The following CDH1 variants were observed in gnomAD, a reference collection of about 807,000 sequenced individuals.
CDH1 encodes cadherin-1.
In CDH1, 35 loss-of-function variants were observed where a neutral mutation model predicts 84.5. That is an observed-to-expected ratio of 0.41 (90% CI 0.32 to 0.55). The LOEUF (loss-of-function observed/expected upper bound fraction) is 0.55, where lower values mean the gene tolerates loss of function less well. Among genes scored for constraint, CDH1 ranks in the 20% least tolerant of loss-of-function variants. The pLI is 0.19. For missense variants in CDH1, 994 were observed against 1,126.6 expected, an observed-to-expected ratio of 0.88 and a Z score of 1.68; for synonymous variants, 417 against 439.0, an observed-to-expected ratio of 0.95 and a Z score of 0.63.
chr16:68,770,630 C>G (rs1239773262), intron 2 of CDH1, among the ~76,000 whole-genome samples: 1 of 151,660 alleles, frequency 6.6e-6, no homozygotes, highest in Non-Finnish European at 1.5e-5. Flanking sequence ...TGCAGGGCCC[C>G]TTTAGCTGAG....
intron 2 of CDH1, among the ~76,000 whole-genome samples, chr16:68,775,885 C>T (rs913368752): frequency 2.0e-5 from 3 of 152,182 alleles, no homozygotes; most frequent in African/African-American, 4.8e-5. Flanking sequence ...TTTACATTTC[C>T]CCTGTCTTCC....
At position 68,816,356 on chromosome 16, in the gene CDH1, T is replaced by C. The variant is rs544158256; in HGVS notation, c.1565+597T>C. On this transcript the variant is annotated intron_variant, in intron 10 of 15. Transcript: ENST00000261769. ...TAGCTTACTATCAGTATTTCTCCTT[T>C]CAAACTTGAAGGTACCTCTATAATG... is the stretch of plus-strand genomic sequence containing the variant. Among the ~76,000 whole-genome samples the C allele has an allele frequency of 4.6e-5, 7 of 152,306 alleles. No homozygotes were observed. The South Asian group carries it at 6.2e-4, about 14-fold the overall frequency.
At chr16:68,784,373 T>A (rs1347554357) in intron 2 of CDH1, among the ~76,000 whole-genome samples, 1 of 151,954 alleles carries the variant, frequency 6.6e-6, no homozygotes, top group Non-Finnish European at 1.5e-5. Context: ...GAGAATCTGG[T>A]CATCTGACTC....
At chr16:68,819,832 T>A (rs1298992282) in intron 11 of CDH1, among the ~76,000 whole-genome samples, 1 of 152,174 alleles carries the variant, frequency 6.6e-6, no homozygotes, top group African/African-American at 2.4e-5. Flanking sequence ...CTTGAGACAA[T>A]GGCCTCCAGT....
intron 2 of CDH1, among the ~76,000 whole-genome samples, chr16:68,740,426 G>T (rs1020105423): frequency 6.6e-6 from 1 of 151,966 alleles, no homozygotes; most frequent in African/African-American, 2.4e-5. Context: ...TGATTCACCC[G>T]CCTTGGCCTC....
At chr16:68,758,234 TGAGA>T (rs1555511444) in intron 2 of CDH1, among the ~76,000 whole-genome samples, 128 of 116,898 alleles carry the variant, frequency 1.1e-3, no homozygotes, top group Non-Finnish European at 1.7e-3. Flanking sequence ...TTTTTTTTTT[TGAGA>T]GAGAGAGAGA....
At chr16:68,756,636 A>T (rs368930753) in intron 2 of CDH1, among the ~76,000 whole-genome samples, 2 of 152,192 alleles carry the variant, frequency 1.3e-5, no homozygotes, top group Non-Finnish European at 2.9e-5. Context: ...GCTTGTAATC[A>T]TGACTAAATT....
At chr16:68,791,381 C>T (rs1960203780) in intron 2 of CDH1, among the ~76,000 whole-genome samples, 1 of 152,088 alleles carries the variant, frequency 6.6e-6, no homozygotes, top group Non-Finnish European at 1.5e-5. Context: ...TCCTTACCTG[C>T]TTATATTTCT....
At chr16:68,776,269 G>T (rs902044051) in intron 2 of CDH1, among the ~76,000 whole-genome samples, 3 of 152,190 alleles carry the variant, frequency 2.0e-5, no homozygotes, top group Admixed American at 1.3e-4. Flanking sequence ...TTACAGGTGT[G>T]AGCCACCGCA....
intron 2 of CDH1, among the ~76,000 whole-genome samples, chr16:68,744,462 T>G (rs1962671078): frequency 6.6e-6 from 1 of 152,182 alleles, no homozygotes; most frequent in Non-Finnish European, 1.5e-5. Context: ...CTCTTCCTCT[T>G]TGTTAATGTA....
chr16:68,774,534 G>A (rs1317508072), intron 2 of CDH1, among the ~76,000 whole-genome samples: 1 of 152,050 alleles, frequency 6.6e-6, no homozygotes, highest in Non-Finnish European at 1.5e-5. Context: ...AAATAAATAA[G>A]TTTGATGATG....
intron 2 of CDH1, among the ~76,000 whole-genome samples, chr16:68,778,929 G>A (rs985574644): frequency 6.6e-5 from 10 of 152,310 alleles, no homozygotes; most frequent in Middle Eastern, 3.4e-3. Context: ...TCTCATGTCA[G>A]AAGGCAGGAA....
chr16:68,759,487 CTTTTTTT>C (rs141278700), intron 2 of CDH1, among the ~76,000 whole-genome samples: 1 of 136,126 alleles, frequency 7.3e-6, no homozygotes, highest in South Asian at 2.4e-4. Flanking sequence ...TCTTTTCTTT[CTTTTTTT>C]TTTTTTTTTG....
At chr16:68,830,704 C>A (rs1961461468) in intron 15 of CDH1, among the ~76,000 whole-genome samples, 1 of 152,096 alleles carries the variant, frequency 6.6e-6, no homozygotes, top group Non-Finnish European at 1.5e-5. Flanking sequence ...AAGATGGCTG[C>A]CACACTTCCA....
chr16:68,738,891 C>T (rs1962478879), intron 2 of CDH1, among the ~76,000 whole-genome samples: 2 of 143,380 alleles, frequency 1.4e-5, no homozygotes, highest in Non-Finnish European at 3.0e-5. Flanking sequence ...AAGAGCAGCC[C>T]TCTCTTGGTT....
rs587782389 is a variant in CDH1, at chr16:68,737,479, T to C, written c.48+16T>C. 1 of 1,535,658 alleles carries C rather than the reference T, an allele frequency of 6.5e-7. No individual in the cohort carries two copies. The highest frequency in any genetic ancestry group is 8.7e-7 in the Non-Finnish European group (1 of 1,147,282). On this transcript the variant is annotated intron_variant, in intron 1 of 15. Transcript: ENST00000261769. ...GCTGCTGCAGGTACCCCGGATCCCC[T>C]GACTTGCGAGGGACGCATTCGGGCC...
chr16:68,814,952 G>A (rs991969695), intron 9 of CDH1, among the ~76,000 whole-genome samples: 3 of 151,150 alleles, frequency 2.0e-5, no homozygotes, highest in African/African-American at 7.3e-5. Flanking sequence ...ATGGCCGGGT[G>A]CAGTTGCTGA....
intron 2 of CDH1, among the ~76,000 whole-genome samples, chr16:68,780,858 C>T (rs1317541903): frequency 6.6e-6 from 1 of 152,166 alleles, no homozygotes; most frequent in Non-Finnish European, 1.5e-5. Context: ...CTGTAGAGAG[C>T]TGGGCTTTTA....
chr16:68,781,215 G>A (rs1452690608), intron 2 of CDH1, among the ~76,000 whole-genome samples: 1 of 152,170 alleles, frequency 6.6e-6, no homozygotes, highest in African/African-American at 2.4e-5. Flanking sequence ...CAGGTCAGAG[G>A]GTTTGAGTTG....
Sources: allele counts gnomAD v4.1 joint callset (sites outside exome capture counted in the v4.1 genomes callset), GRCh38; gene constraint gnomAD v4.1.1; transcripts MANE v1.5; gene names NCBI Gene and HGNC (gene_info 2026-07-23, HGNC 2026-07-21).